SMC6: variants seen among roughly 807,000 people sequenced by gnomAD.
SMC6 encodes the protein structural maintenance of chromosomes 6, also known as structural maintenance of chromosomes protein 6.
Under a neutral mutation model 142.2 loss-of-function variants are expected in SMC6, and 79 were observed. The ratio of observed to expected loss-of-function variants is 0.56; its 90% confidence interval spans 0.46 to 0.67. SMC6 has a LOEUF of 0.67. Among genes scored for constraint, SMC6 ranks in the 30% least tolerant of loss-of-function variants. The pLI is 0.00. For synonymous variants in SMC6, 411 were observed against 412.4 expected (o/e 1.00, Z 0.04); for missense variants, 1,072 against 1,284.0 (o/e 0.83, Z 2.52).
intron 22 of SMC6, 114 bp from the exon 23 acceptor site, chr2:17,695,411 T>A: frequency 1.3e-6 from 1 of 770,390 alleles, no homozygotes; most frequent in Non-Finnish European, 2.0e-6. Flanking sequence ...AAGAAATGTA[T>A]TTTAATTACA....
Position 17,718,220 on chromosome 2 carries a change from T to C in SMC6, c.949A>G (p.Arg317Gly). The change falls in exon 12 of 28, where the codon AGA becomes GGA. Residue 317 changes from arginine (R) to glycine (G), a missense_variant. Transcript: ENST00000448223. ...LDRKMEEQQV[R>G]LNEAEQKYKD... ...TACTTTTGTTCTGCCTCATTAAGTCTGACCTTTAAGAAAATAACATTATTG... is the reference window on the plus strand; with the variant it reads ...TACTTTTGTTCTGCCTCATTAAGTCCGACCTTTAAGAAAATAACATTATTG... 6.3e-7 allele frequency: 1 copy of C among 1,582,702 alleles called. No homozygotes were observed. The highest frequency in any genetic ancestry group is 8.6e-7 in the Non-Finnish European group (1 of 1,167,488).
chr2:17,673,007 A>C (rs1202186635), intron 25 of SMC6, among the ~76,000 whole-genome samples: 1 of 152,176 alleles, frequency 6.6e-6, no homozygotes, highest in Non-Finnish European at 1.5e-5. Flanking sequence ...AATTAGTTTG[A>C]CCAAGTTACA....
chr2:17,668,690 T>C (rs1202953347), intron 26 of SMC6, among the ~76,000 whole-genome samples: 3 of 152,114 alleles, frequency 2.0e-5, no homozygotes, highest in Non-Finnish European at 4.4e-5. Context: ...AGAAGTCTCA[T>C]AAAAGTGGCA....
At chr2:17,713,097 T>C (rs1668908660) in intron 16 of SMC6, among the ~76,000 whole-genome samples, 1 of 152,232 alleles carries the variant, frequency 6.6e-6, no homozygotes, top group Admixed American at 6.5e-5. Context: ...CCTCTCTTTC[T>C]TTAAACTAGT....
At chr2:17,704,985 G>A (rs982053707) in intron 18 of SMC6, among the ~76,000 whole-genome samples, 12 of 152,018 alleles carry the variant, frequency 7.9e-5, no homozygotes, top group African/African-American at 2.4e-4. Context: ...AGCTGGGCAC[G>A]GTGGCTCACG....
intron 23 of SMC6, among the ~76,000 whole-genome samples, chr2:17,692,662 A>G (rs777541315): frequency 2.2e-4 from 34 of 152,236 alleles, no homozygotes; most frequent in Non-Finnish European, 4.0e-4. Flanking sequence ...CTTCATGTCT[A>G]AAACACCAAA....
intron 16 of SMC6, among the ~76,000 whole-genome samples, chr2:17,710,407 A>G (rs1396558950): frequency 6.6e-6 from 1 of 152,112 alleles, no homozygotes; most frequent in Non-Finnish European, 1.5e-5. Context: ...TATATTAAGT[A>G]TATTATATTA....
intron 2 of SMC6, 145 bp downstream of exon 2, chr2:17,752,833 A>AT (rs2125103365): frequency 6.1e-6 from 1 of 164,792 alleles, no homozygotes; most frequent in South Asian, 2.0e-4. Context: ...TTTCCTTTGA[A>AT]TATATATTAC....
intron 24 of SMC6, 86 bp from the exon 25 acceptor site, chr2:17,679,050 A>C: frequency 1.2e-6 from 1 of 851,252 alleles, no homozygotes; most frequent in South Asian, 2.0e-5. Flanking sequence ...ATGTGAGAAA[A>C]CCAGATGGAA....
chr2:17,753,013 C>A lies in SMC6; in HGVS notation c.-41G>T. 1 of 985,104 alleles carries A rather than the reference C, an allele frequency of 1.0e-6. No homozygotes were observed. Among genetic ancestry groups the A allele is most frequent in the Non-Finnish European group, 1.2e-6 (1 of 829,642 alleles). The allele number at this position is 985,104 out of a possible 1,614,324, so 61.0% of individuals were successfully genotyped here. A position where few individuals can be genotyped will look rare whatever the true frequency, so the allele number is the denominator to read the frequency against. On this transcript the variant is annotated 5_prime_UTR_variant, in exon 2 of 28. It adds an upstream start codon to the 5' untranslated region. Transcript: ENST00000448223. ...ATTGGTTCTACAACCTTTCTCTACC[C>A]TAGAGTCCTGTTTTCCGCAATTCCC...
At chr2:17,692,896 G>T (rs187977879) in intron 23 of SMC6, among the ~76,000 whole-genome samples, 1 of 152,224 alleles carries the variant, frequency 6.6e-6, no homozygotes, top group African/African-American at 2.4e-5. Context: ...GTGGGCGAAG[G>T]ATATGAACAG....
intron 7 of SMC6, among the ~76,000 whole-genome samples, chr2:17,730,603 C>CTTT (rs397870131): frequency 7.4e-6 from 1 of 134,674 alleles, no homozygotes; most frequent in Non-Finnish European, 1.6e-5. Flanking sequence ...TTAATAAATT[C>CTTT]TTTTTTTTTT....
intron 11 of SMC6, among the ~76,000 whole-genome samples, chr2:17,719,477 C>T (rs1212840062): frequency 6.6e-6 from 1 of 152,122 alleles, no homozygotes; most frequent in Non-Finnish European, 1.5e-5. Flanking sequence ...TATGCAAATG[C>T]TTAAACGGAG....
intron 20 of SMC6, 80 bp downstream of exon 20, chr2:17,701,749 A>G: frequency 1.2e-6 from 1 of 850,288 alleles, no homozygotes; most frequent in Non-Finnish European, 1.8e-6. Context: ...AACTTTCTAA[A>G]AAAGCTGAGT....
intron 5 of SMC6, among the ~76,000 whole-genome samples, chr2:17,734,027 T>A (rs571780785): frequency 1.3e-5 from 2 of 152,266 alleles, no homozygotes; most frequent in South Asian, 4.1e-4. Context: ...CAGGAGAGCA[T>A]AGTGCACACA....
At chr2:17,709,603 T>C (rs142219282) in intron 16 of SMC6, among the ~76,000 whole-genome samples, 10 of 152,268 alleles carry the variant, frequency 6.6e-5, no homozygotes, top group African/African-American at 2.2e-4. Context: ...TCAACACATA[T>C]TTAGTGAGCA....
intron 9 of SMC6, among the ~76,000 whole-genome samples, chr2:17,724,461 CA>C (rs1669521740): frequency 6.6e-6 from 1 of 152,042 alleles, no homozygotes; most frequent in South Asian, 2.1e-4. Flanking sequence ...GGACAAGCTA[CA>C]AAGTTGATGA....
At chr2:17,751,497 A>C (rs907553880) in intron 2 of SMC6, among the ~76,000 whole-genome samples, 2 of 151,912 alleles carry the variant, frequency 1.3e-5, no homozygotes, top group Non-Finnish European at 2.9e-5. Context: ...GAAAAAAAAG[A>C]AAGAAAGAAA....
chr2:17,685,607 A>G (rs2124865263), intron 23 of SMC6, among the ~76,000 whole-genome samples: 1 of 152,298 alleles, frequency 6.6e-6, no homozygotes, highest in South Asian at 2.1e-4. Flanking sequence ...ATAAACTCCA[A>G]ATAAATCACA....
Sources: allele counts gnomAD v4.1 joint callset (sites outside exome capture counted in the v4.1 genomes callset), GRCh38; gene constraint gnomAD v4.1.1; transcripts MANE v1.5; gene names NCBI Gene and HGNC (gene_info 2026-07-23, HGNC 2026-07-21).